Variants in SLC38A2 observed in about 807,000 individuals in gnomAD.
The protein encoded by SLC38A2 is solute carrier family 38 member 2.
SLC38A2 carries 11 observed loss-of-function variants against 61.5 expected under a neutral mutation model. The observed-to-expected ratio is 0.18, with a 90% CI of 0.11 to 0.30. The LOEUF is 0.30. SLC38A2 is among the 10% of genes least tolerant of loss of function. The pLI is 1.00. For synonymous variants in SLC38A2, 217 were observed against 212.5 expected, an observed-to-expected ratio of 1.02 and a Z score of -0.18; for missense variants, 522 against 600.4, an observed-to-expected ratio of 0.87 and a Z score of 1.36.
At chr12:46,366,837 T>C (rs1485371956) in intron 7 of SLC38A2, 27 bp downstream of exon 7, 1 of 1,578,492 alleles carries the variant, frequency 6.3e-7, no homozygotes, top group South Asian at 1.2e-5. Flanking sequence ...TAATTGTTTC[T>C]TATGAGTAAC....
Position 46,364,006 on chromosome 12 carries a change from G to T in SLC38A2, c.874-3C>A. ...AGAATTGGCACAGCATAGACAGTCT[G>T]AAAGAAAACGTAAAAATCTACTTAA... is the stretch of plus-strand genomic sequence containing the variant. On this transcript the variant is annotated splice_polypyrimidine_tract_variant and splice_region_variant and intron_variant, in intron 10 of 15. Transcript: ENST00000256689. 8 of 1,600,198 alleles carry T rather than the reference G, an allele frequency of 5.0e-6. No homozygotes were observed. The highest frequency in any genetic ancestry group is 6.0e-6 in the Non-Finnish European group (7 of 1,174,888).
Position 46,360,429 on chromosome 12 carries a change from GCTC to G in SLC38A2, c.*679_*681del, listed in dbSNP as rs1282202196. 1 of 152,050 alleles carries G rather than the reference GCTC, an allele frequency of 6.6e-6. No homozygotes were observed. Among genetic ancestry groups the G allele is most frequent in the Non-Finnish European group, 1.5e-5 (1 of 67,998 alleles). The allele number at this position is 152,050 out of a possible 1,614,324, so 9.4% of individuals were successfully genotyped here. ...GTGACGTTTAAATGGAAAAAACTATGCTCCTAATTCATGGTACAATTTTTCATT... is the reference window on the plus strand; with the variant it reads ...GTGACGTTTAAATGGAAAAAACTATGCTAATTCATGGTACAATTTTTCATT... On this transcript the variant is annotated 3_prime_UTR_variant, in exon 16 of 16. Transcript: ENST00000256689.
At chr12:46,365,719 T>C (rs1943132788) in intron 7 of SLC38A2, among the ~76,000 whole-genome samples, 1 of 152,022 alleles carries the variant, frequency 6.6e-6, no homozygotes, top group African/African-American at 2.4e-5. Flanking sequence ...AAAAAAATTA[T>C]AAAACTCAGT....
chr12:46,362,239 T>C (rs1041748655), intron 15 of SLC38A2, 45 bp downstream of exon 15: 5 of 1,426,074 alleles, frequency 3.5e-6, no homozygotes, highest in Non-Finnish European at 3.8e-6. Flanking sequence ...GTTGGGGAAA[T>C]TTATGATATT....
chr12:46,362,751 AG>A (rs1943095727), intron 13 of SLC38A2, 113 bp from the exon 14 acceptor site: 1 of 188,388 alleles, frequency 5.3e-6, no homozygotes, highest in African/African-American at 1.1e-4. Context: ...TATCCAAAAT[AG>A]TAACTATTTC....
intron 15 of SLC38A2, among the ~76,000 whole-genome samples, chr12:46,361,440 C>G (rs1943080573): frequency 6.6e-6 from 1 of 152,116 alleles, no homozygotes. Context: ...ATTCCTTTGT[C>G]TCAAGTGACA....
At position 46,368,119 on chromosome 12, in the gene SLC38A2, AAAAG is replaced by A. The variant is rs1184332986; in HGVS notation, c.315-783_315-780del. The stretch of plus-strand genomic sequence containing the variant: ...AATGAAATACTGTCTTTTTAAAAAA[AAAAG>A]AAAGAAAAGGAAAAGAATGGTAAGG... On this transcript the variant is annotated intron_variant, in intron 4 of 15. Coordinates refer to ENST00000256689, the MANE Select transcript of SLC38A2 (RefSeq NM_018976.5). Among the ~76,000 whole-genome samples the A allele has an allele frequency of 4.6e-5, 7 of 152,318 alleles. No individual in the cohort carries two copies. The South Asian group carries it at 8.3e-4, about 18-fold the overall frequency.
intron 1 of SLC38A2, among the ~76,000 whole-genome samples, chr12:46,372,056 T>G (rs1217529847): frequency 6.6e-6 from 1 of 152,228 alleles, no homozygotes; most frequent in Non-Finnish European, 1.5e-5. Context: ...AGAAAACTGA[T>G]GCAATATCGA....
At chr12:46,362,066 T>G in intron 15 of SLC38A2, 1 of 461,002 alleles carries the variant, frequency 2.2e-6, no homozygotes, top group Non-Finnish European at 3.9e-6. Flanking sequence ...AAGTATCTAA[T>G]AACTTTATTG....
At chr12:46,370,430 G>T in intron 4 of SLC38A2, 82 bp downstream of exon 4, 1 of 1,036,508 alleles carries the variant, frequency 9.6e-7, no homozygotes, top group Non-Finnish European at 1.5e-6. Flanking sequence ...TACTCCAACT[G>T]TAAATTCAGT....
rs767157994 is a variant in SLC38A2, at chr12:46,364,680, G to C, written c.669C>G (p.Gly223=). Residue 223 remains glycine (G), a synonymous_variant, in exon 9 of 16, where the codon GGC becomes GGG. Coordinates refer to ENST00000256689, the MANE Select transcript of SLC38A2 (RefSeq NM_018976.5). ...RNLGYLGYTS[G]LSLLCMVFFL... ...AGAACACCATACACAACAAGGAAAG[G>C]CCACTGGTATATCCCAAATATCCTA... 1 of 1,610,528 alleles carries C rather than the reference G, an allele frequency of 6.2e-7. No individual in the cohort carries two copies. Among genetic ancestry groups the C allele is most frequent in the African/African-American group, 1.3e-5 (1 of 74,602 alleles).
chr12:46,366,225 T>C (rs1943137386), intron 7 of SLC38A2, among the ~76,000 whole-genome samples: 1 of 152,170 alleles, frequency 6.6e-6, no homozygotes. Context: ...CCGAAGTGTT[T>C]TGGACTTTGG....
At position 46,363,008 on chromosome 12, in the gene SLC38A2, A is replaced by G; in HGVS notation, c.1179+13T>C. 1 of 1,612,204 alleles carries G rather than the reference A, an allele frequency of 6.2e-7. No individual in the cohort carries two copies. Among genetic ancestry groups the G allele is most frequent in the Non-Finnish European group, 8.5e-7 (1 of 1,178,878 alleles). On this transcript the variant is annotated intron_variant, in intron 13 of 15. Coordinates refer to ENST00000256689, the MANE Select transcript of SLC38A2 (RefSeq NM_018976.5). The stretch of plus-strand genomic sequence containing the variant: ...ACTCCTTCCTACTGAAAGCAGAGCA[A>G]GTGATTACTTACTGGGAAAATAACT...
Position 46,371,349 on chromosome 12 carries a change from T to A in SLC38A2, c.-56A>T. 1 of 1,426,590 alleles carries A rather than the reference T, an allele frequency of 7.0e-7. No individual in the cohort carries two copies. Among genetic ancestry groups the A allele is most frequent in the Non-Finnish European group, 9.9e-7 (1 of 1,011,732 alleles). 88.4% of individuals were successfully genotyped at this position (1,426,590 alleles called of 1,614,324 possible). The stretch of plus-strand genomic sequence containing the variant: ...AGTAGCGCTGGGCTCCTTTTGTCCT[T>A]GGCGGTGGGTGCAGCGGCCCGCGAG... On this transcript the variant is annotated 5_prime_UTR_variant, in exon 2 of 16. Coordinates refer to ENST00000256689, the MANE Select transcript of SLC38A2 (RefSeq NM_018976.5).
At chr12:46,362,860 T>C (rs1943098139) in intron 13 of SLC38A2, 161 bp downstream of exon 13, 1 of 1,017,296 alleles carries the variant, frequency 9.8e-7, no homozygotes, top group African/African-American at 1.6e-5. Context: ...CCCAGGGTAT[T>C]TTGAAAATAT....
chr12:46,370,450 C>G, intron 4 of SLC38A2, 62 bp downstream of exon 4: 1 of 1,276,690 alleles, frequency 7.8e-7, no homozygotes, highest in Non-Finnish European at 1.1e-6. Flanking sequence ...TTTCTGGAGC[C>G]AAAATATGTT....
chr12:46,364,525 G>A lies in SLC38A2; in HGVS notation c.737C>T (p.Pro246Leu). The A allele has an allele frequency of 1.9e-6, 3 of 1,608,502 alleles. No homozygotes were observed. Among genetic ancestry groups the A allele is most frequent in the South Asian group, 2.2e-5 (2 of 89,652 alleles). The change falls in exon 10 of 16, where the codon CCT becomes CTT. Residue 246 changes from proline (P) to leucine (L), a missense_variant. This residue lies in a region of SLC38A2 where 309 missense variants were observed against 343.9 expected (regional missense o/e 0.90). Coordinates refer to ENST00000256689, the MANE Select transcript of SLC38A2 (RefSeq NM_018976.5). ...VICKKFQVPC[P>L]VEAALIINET... ...GTTAATTATCAAAGCAGCTTCCACA[G>A]GACACGGAACCTGAAATTTCTTGCA...
In SLC38A2 at chr12:46,366,649, A is replaced by T. The variant is rs1032878345; in HGVS notation, c.563+215T>A. 3.9e-5 allele frequency among the ~76,000 whole-genome samples: 6 copies of T among 152,244 alleles called. No individual in the cohort carries two copies. In the East Asian group the frequency reaches 1.2e-3, roughly 29 times the overall value. The stretch of plus-strand genomic sequence containing the variant: ...TTCTAGAAAACCTGTTTTAGAAATT[A>T]AGATATCCAAAATTGTAGGGCTAGC... On this transcript the variant is annotated intron_variant, in intron 7 of 15. Coordinates refer to ENST00000256689, the MANE Select transcript of SLC38A2 (RefSeq NM_018976.5).
rs760211267 is a variant in SLC38A2, at chr12:46,361,149, A to G, written c.1483T>C (p.Leu495=). 3.1e-6 allele frequency: 5 copies of G among 1,613,564 alleles called. No homozygotes were observed. Among genetic ancestry groups the G allele is most frequent in the Admixed American group, 3.3e-5 (2 of 59,926 alleles). The change falls in exon 16 of 16, where the codon TTG becomes CTG. Residue 495 remains leucine (L), a synonymous_variant. Coordinates refer to ENST00000256689, the MANE Select transcript of SLC38A2 (RefSeq NM_018976.5). ...CCAGGTGCATTGTGTACCCAATCCA[A>G]AACAATCAAGGCCATGCTTCCGGTC... The part of the protein sequence containing the change: ...VMTGSMALIV[L]DWVHNAPGGG...
Sources: allele counts gnomAD v4.1 joint callset (sites outside exome capture counted in the v4.1 genomes callset), GRCh38; gene constraint gnomAD v4.1.1; regional missense constraint gnomAD v4.1.1; transcripts MANE v1.5; gene names NCBI Gene and HGNC (gene_info 2026-07-23, HGNC 2026-07-21).